PKNOX1: variants seen among roughly 807,000 people sequenced by gnomAD.
The protein encoded by PKNOX1 is PBX/knotted 1 homeobox 1.
PKNOX1 carries 15 observed loss-of-function variants against 51.9 expected under a neutral mutation model. The ratio of observed to expected loss-of-function variants is 0.29; its 90% CI spans 0.19 to 0.45. The LOEUF (loss-of-function observed/expected upper bound fraction) is 0.45. Ranked by LOEUF, PKNOX1 falls within the 20% of genes least tolerant of loss-of-function variation. PKNOX1 has a pLI of 1.00. For missense variants in PKNOX1, 462 were observed against 547.5 expected (o/e 0.84, Z 1.56); for synonymous variants, 219 against 211.1 (o/e 1.04, Z -0.32).
At chr21:42,999,683 G>C in intron 1 of PKNOX1, among the ~76,000 whole-genome samples, 1 of 152,006 alleles carries the variant, frequency 6.6e-6, no homozygotes. Context: ...GTTTCTCCAT[G>C]TTGGTCAGGC....
intron 1 of PKNOX1, among the ~76,000 whole-genome samples, chr21:42,981,620 C>T (rs1431911150): frequency 1.3e-5 from 2 of 152,078 alleles, no homozygotes; most frequent in African/African-American, 4.8e-5. Context: ...AGTGCAGTGG[C>T]ACGATCTCGG....
intron 1 of PKNOX1, among the ~76,000 whole-genome samples, chr21:42,999,877 C>T (rs1416459664): frequency 3.9e-5 from 6 of 152,176 alleles, no homozygotes; most frequent in African/African-American, 9.7e-5. Context: ...GCACCCAAGT[C>T]ACCTCTTGAA....
At chr21:43,019,474 A>G (rs1979660937) in intron 7 of PKNOX1, among the ~76,000 whole-genome samples, 1 of 151,682 alleles carries the variant, frequency 6.6e-6, no homozygotes, top group African/African-American at 2.4e-5. Flanking sequence ...TTAATCTCAT[A>G]TTTGATATGC....
At position 43,028,780 on chromosome 21, in the gene PKNOX1, A is replaced by G; in HGVS notation, c.1005A>G (p.Lys335=). The G allele has an allele frequency of 6.2e-7, 1 of 1,614,172 alleles. No homozygotes were observed. The change falls in exon 10 of 11, where the codon AAA becomes AAG. Residue 335 remains lysine (K), a synonymous_variant. Coordinates refer to ENST00000291547, the MANE Select transcript of PKNOX1 (RefSeq NM_004571.5). ...CAGAGACCCCCAAAACAAAGAAAAA[A>G]ACTGCTCAGAACCGGCCAGTTCAGA... ...SCSETPKTKK[K]TAQNRPVQRF...
chr21:43,028,448 A>G lies in PKNOX1; in HGVS notation c.927-254A>G, dbSNP rs1980076551. Among the ~76,000 whole-genome samples the G allele has an allele frequency of 1.0e-4, 3 of 30,044 alleles. No individual in the cohort carries two copies. In the South Asian group the frequency reaches 2.6e-3, roughly 26 times the overall value. 19.7% of individuals were successfully genotyped at this position (30,044 alleles called of 152,430 possible). ...ACAAACATGCCCTAAAGGAGTTGAGACAAAAAAAAAAATGCCATGGACGAG... is the reference window on the plus strand; with the variant it reads ...ACAAACATGCCCTAAAGGAGTTGAGGCAAAAAAAAAAATGCCATGGACGAG... On this transcript the variant is annotated intron_variant, in intron 9 of 10. Coordinates refer to ENST00000291547, the MANE Select transcript of PKNOX1 (RefSeq NM_004571.5).
At chr21:43,003,291 G>A (rs1978843878) in intron 1 of PKNOX1, among the ~76,000 whole-genome samples, 1 of 152,196 alleles carries the variant, frequency 6.6e-6, no homozygotes, top group Admixed American at 6.5e-5. Flanking sequence ...CCCCCACTCT[G>A]CAGTGTTTTT....
chr21:42,996,480 T>C (rs1467039295), intron 1 of PKNOX1, among the ~76,000 whole-genome samples: 1 of 152,112 alleles, frequency 6.6e-6, no homozygotes, highest in Non-Finnish European at 1.5e-5. Flanking sequence ...GCTTTCCAGA[T>C]GTGTGTGTAA....
chr21:43,001,940 G>A (rs1313905077), intron 1 of PKNOX1, among the ~76,000 whole-genome samples: 1 of 150,338 alleles, frequency 6.7e-6, no homozygotes, highest in Admixed American at 6.7e-5. Context: ...CAGCCTGGGT[G>A]ACAGAGCAAG....
chr21:43,008,294 A>G (rs948251732), intron 3 of PKNOX1, among the ~76,000 whole-genome samples: 3 of 152,226 alleles, frequency 2.0e-5, no homozygotes, highest in African/African-American at 7.2e-5. Context: ...AACTCACTTT[A>G]TAATTGACAT....
chr21:43,032,512 G>A lies in PKNOX1; in HGVS notation c.*2411G>A. The stretch of plus-strand genomic sequence containing the variant: ...GCGTGCCTCTAGTTCCAGCTACTCG[G>A]GAGTCTGAGGCAGAGGATGGCATGT... On this transcript the variant is annotated 3_prime_UTR_variant, in exon 11 of 11. Transcript: ENST00000291547. 4.4e-6 allele frequency: 1 copy of A among 227,140 alleles called. No individual in the cohort carries two copies. The highest frequency in any genetic ancestry group is 9.2e-6 in the Non-Finnish European group (1 of 108,826). 14.1% of individuals were successfully genotyped at this position (227,140 alleles called of 1,614,324 possible).
intron 5 of PKNOX1, among the ~76,000 whole-genome samples, chr21:43,016,618 C>T (rs1046187622): frequency 6.6e-6 from 1 of 152,178 alleles, no homozygotes; most frequent in Non-Finnish European, 1.5e-5. Context: ...TCGATATACT[C>T]CTGGGCTGTA....
rs201879881 is a variant in PKNOX1, at chr21:43,028,761, C to T, written c.986C>T (p.Thr329Ile). The T allele has an allele frequency of 1.2e-6, 2 of 1,614,002 alleles. No homozygotes were observed. ...QPMLDSSCSE[T>I]PKTKKKTAQN... ...ATGTTGGATTCAAGTTGTTCAGAGA[C>T]CCCCAAAACAAAGAAAAAAACTGCT... Residue 329 changes from threonine (T) to isoleucine (I), a missense_variant, in exon 10 of 11, where the codon ACC becomes ATC. Thr to Ile is a moderately conservative substitution (Grantham distance 89). Coordinates refer to ENST00000291547, the MANE Select transcript of PKNOX1 (RefSeq NM_004571.5).
intron 7 of PKNOX1, among the ~76,000 whole-genome samples, chr21:43,019,571 C>T (rs947205627): frequency 7.9e-5 from 12 of 152,084 alleles, no homozygotes; most frequent in Admixed American, 1.3e-4. Context: ...GAGACGAAGT[C>T]TCACTCTGTT....
In PKNOX1 at chr21:43,013,208, T is replaced by A. The variant is rs766195894; in HGVS notation, c.492T>A (p.Pro164=). 5.6e-6 allele frequency: 9 copies of A among 1,613,348 alleles called. No individual in the cohort carries two copies. The highest frequency in any genetic ancestry group is 7.6e-6 in the Non-Finnish European group (9 of 1,179,614). The stretch of plus-strand genomic sequence containing the variant: ...GTGAAACTCTGTTGAGTGGAGAGCC[T>A]GGAAGCCCGTACTCACCAGTGCAGT... ...MNSETLLSGE[P]GSPYSPVQSQ... The change falls in exon 5 of 11, where the codon CCT becomes CCA. Residue 164 remains proline, a synonymous_variant. Coordinates refer to ENST00000291547, the MANE Select transcript of PKNOX1 (RefSeq NM_004571.5).
chr21:42,993,659 GTTTT>G (rs1396808385), intron 1 of PKNOX1, among the ~76,000 whole-genome samples: 2 of 12,574 alleles, frequency 1.6e-4, no homozygotes, highest in South Asian at 3.3e-3. Context: ...TGTTTTTTTT[GTTTT>G]TTTTTTTTTT....
At chr21:43,016,839 T>C (rs1223236836) in intron 5 of PKNOX1, 69 bp from the exon 6 acceptor site, 8 of 971,494 alleles carry the variant, frequency 8.2e-6, no homozygotes, top group East Asian at 7.5e-5. Flanking sequence ...ATGCTACTTA[T>C]GTTAAAGTTT....
intron 8 of PKNOX1, among the ~76,000 whole-genome samples, chr21:43,023,693 C>A (rs1979863816): frequency 6.6e-6 from 1 of 151,930 alleles, no homozygotes; most frequent in African/African-American, 2.4e-5. Flanking sequence ...CGGCTCACTG[C>A]AACCTCCGCT....
rs1226550977 is a variant in PKNOX1 at position 43,004,211 on chromosome 21, T to C, written c.-56-115T>C. ...GAGATCGCGCCATTGCACTCCAGCC[T>C]GGGCAACAAGAGTGAAACTCGGTCT... On this transcript the variant is annotated intron_variant, in intron 1 of 10. Coordinates refer to ENST00000291547, the MANE Select transcript of PKNOX1 (RefSeq NM_004571.5). The C allele has an allele frequency of 4.4e-5, 23 of 518,698 alleles. No homozygotes were observed. In the East Asian group the frequency reaches 7.8e-4, roughly 18 times the overall value. The allele number at this position is 518,698 out of a possible 1,614,324, so 32.1% of individuals were successfully genotyped here. A position where few individuals can be genotyped will look rare whatever the true frequency, so the allele number is the denominator to read the frequency against.
chr21:43,007,702 A>G lies in PKNOX1; in HGVS notation c.179+84A>G, dbSNP rs1447771665. ...TGTTAAAAGGAACACCAGAACTAGT[A>G]GCGAGGCAGAGTTGTGAGGTGCCAT... On this transcript the variant is annotated intron_variant, in intron 3 of 10. Coordinates refer to ENST00000291547, the MANE Select transcript of PKNOX1 (RefSeq NM_004571.5). 27 of 1,478,384 alleles carry G rather than the reference A, an allele frequency of 1.8e-5. 1 individual carries two copies. Among genetic ancestry groups the G allele is most frequent in the Middle Eastern group, 1.8e-4 (1 of 5,542 alleles). 91.6% of individuals were successfully genotyped at this position (1,478,384 alleles called of 1,614,324 possible).
Sources: gnomAD v4.1 joint callset for allele counts (sites outside exome capture counted in the v4.1 genomes callset) on GRCh38, gnomAD v4.1.1 for gene constraint, MANE v1.5 for transcripts, NCBI Gene and HGNC (gene_info 2026-07-23, HGNC 2026-07-21) for gene names.